Variants in NTRK1 observed in about 807,000 individuals in gnomAD.
NTRK1 encodes neurotrophic receptor tyrosine kinase 1.
NTRK1 carries 62 observed loss-of-function variants against 86.8 expected under a neutral mutation model. The ratio of observed to expected loss-of-function variants is 0.71; its 90% CI spans 0.58 to 0.88. The LOEUF is 0.88. Among genes scored for constraint, NTRK1 ranks in the 40% least tolerant of loss-of-function variants. NTRK1 has a pLI of 0.00. For missense variants in NTRK1, 967 were observed against 1,078.4 expected (o/e 0.90, Z 1.45); for synonymous variants, 469 against 456.6 (o/e 1.03, Z -0.35).
chr1:156,843,441 A>C, intron 2 of NTRK1: 1 of 1,614,184 alleles, frequency 6.2e-7, no homozygotes, highest in Non-Finnish European at 8.5e-7. Flanking sequence ...AGAGGCGCTG[A>C]AGTACTCTGG....
chr1:156,849,183 C>T lies in NTRK1; in HGVS notation c.50+6990C>T, dbSNP rs1027756865. 6 of 1,602,828 alleles carry T rather than the reference C, an allele frequency of 3.7e-6. No individual in the cohort carries two copies. In the Admixed American group the frequency reaches 8.3e-5, roughly 22 times the overall value. Reference sequence around the variant, plus strand: ...AGTGTCCCCCTCGAGCTTTCTCCCTCCCCCGGGTGTGCGTGTCTAGTGTGT... The same window carrying T: ...AGTGTCCCCCTCGAGCTTTCTCCCTTCCCCGGGTGTGCGTGTCTAGTGTGT... On this transcript the variant is annotated intron_variant, in intron 2 of 16. Coordinates refer to the NTRK1 transcript ENST00000392302.
chr1:156,844,493 TGTCCAAGAGCCATTGCCAGCCA>T (rs1206142788), intron 2 of NTRK1: 8 of 1,614,132 alleles, frequency 5.0e-6, no homozygotes, highest in Non-Finnish European at 6.8e-6. Flanking sequence ...CAACACTGTC[TGTCCAAGAGCCATTGCCAGCCA>T]GTGAGGTTGC....
At chr1:156,840,916 G>T (rs1230351343) in intron 1 of NTRK1, 1 of 1,613,966 alleles carries the variant, frequency 6.2e-7, no homozygotes, top group Non-Finnish European at 8.5e-7. Flanking sequence ...GTCTCTTGGA[G>T]TGGGTGAGGA....
At chr1:156,844,967 G>A in intron 2 of NTRK1, 1 of 1,540,392 alleles carries the variant, frequency 6.5e-7, no homozygotes, top group Non-Finnish European at 8.8e-7. Context: ...AACTGAGAGG[G>A]GCAAGCAAAG....
At position 156,879,989 on chromosome 1, in the gene NTRK1, C is replaced by T. The variant is rs1423404873; in HGVS notation, c.2047-10C>T. The stretch of plus-strand genomic sequence containing the variant: ...GCCCCTGGAATTGATGCAGTGTCCG[C>T]CCGTGGCAGGTGGGAGGCCGCACCA... On this transcript the variant is annotated splice_polypyrimidine_tract_variant and intron_variant, in intron 15 of 16. Coordinates refer to ENST00000524377, the MANE Select transcript of NTRK1 (RefSeq NM_002529.4). 1 of 1,612,520 alleles carries T rather than the reference C, an allele frequency of 6.2e-7. No individual in the cohort carries two copies. Among genetic ancestry groups the T allele is most frequent in the Non-Finnish European group, 8.5e-7 (1 of 1,179,992 alleles).
At chr1:156,877,388 C>T (rs748964219) in intron 14 of NTRK1, among the ~76,000 whole-genome samples, 22 of 152,200 alleles carry the variant, frequency 1.4e-4, no homozygotes, top group African/African-American at 4.1e-4. Context: ...TTAATAACTT[C>T]GAGAAATGTG....
At position 156,836,784 on chromosome 1, in the gene NTRK1, A is replaced by G. The variant is rs79055171; in HGVS notation, c.-63-5297A>G. 5.9e-3 allele frequency among the ~76,000 whole-genome samples: 164 copies of G among 27,778 alleles called. 1 individual carries two copies. The Middle Eastern group carries it at 0.094, about 16-fold the overall frequency. The allele number at this position is 27,778 out of a possible 152,430, so 18.2% of individuals were successfully genotyped here. On this transcript the variant is annotated intron_variant, in intron 1 of 16. Coordinates refer to the NTRK1 transcript ENST00000392302. ...CTGAATGAGGAGCATATTTCACAGGACTGAATGAGGAGCATATTTCACAGG... is the reference window on the plus strand; with the variant it reads ...CTGAATGAGGAGCATATTTCACAGGGCTGAATGAGGAGCATATTTCACAGG...
chr1:156,844,143 AG>A, intron 2 of NTRK1: 1 of 1,499,930 alleles, frequency 6.7e-7, no homozygotes, highest in Non-Finnish European at 9.3e-7. Context: ...CAGGGAGAAA[AG>A]GGGGTGGGGA....
rs1008847533 is a variant in NTRK1, at chr1:156,874,219, G to T, written c.1178-164G>T. The T allele has an allele frequency of 6.2e-6, 7 of 1,127,210 alleles. No homozygotes were observed. The African/African-American group carries it at 1.1e-4, about 17-fold the overall frequency. 69.8% of individuals were successfully genotyped at this position (1,127,210 alleles called of 1,614,324 possible). A position where few individuals can be genotyped will look rare whatever the true frequency, so the allele number is the denominator to read the frequency against. On this transcript the variant is annotated intron_variant, in intron 8 of 16. Coordinates refer to ENST00000524377, the MANE Select transcript of NTRK1 (RefSeq NM_002529.4). ...GGCATCCTGGCCCAGCTGGAAAAGGGTCACATGCATCTTCTTCCTTGAGGC... is the reference window on the plus strand; with the variant it reads ...GGCATCCTGGCCCAGCTGGAAAAGGTTCACATGCATCTTCTTCCTTGAGGC...
intron 10 of NTRK1, 37 bp from the exon 11 acceptor site, chr1:156,874,869 G>T (rs2102911655): frequency 6.8e-7 from 1 of 1,469,214 alleles, no homozygotes; most frequent in Non-Finnish European, 9.5e-7. Context: ...GAGTACAGGA[G>T]GAGCCCCTGG....
intron 1 of NTRK1, among the ~76,000 whole-genome samples, chr1:156,824,846 A>G (rs912195393): frequency 2.6e-5 from 4 of 152,160 alleles, no homozygotes; most frequent in Admixed American, 2.0e-4. Flanking sequence ...TACACGGCCC[A>G]GGAGGCAGAG....
At chr1:156,845,541 A>AACCCCC in intron 2 of NTRK1, 20 of 1,288,332 alleles carry the variant, frequency 1.6e-5, no homozygotes, top group Non-Finnish European at 1.8e-5. Context: ...CCACCCACAA[A>AACCCCC]CCCCACCCCT....
rs935501793 is a variant in NTRK1, at chr1:156,874,585, T to C, written c.1210T>C (p.Ser404Pro). 4.3e-6 allele frequency: 7 copies of C among 1,613,976 alleles called. No homozygotes were observed. The highest frequency in any genetic ancestry group is 5.9e-6 in the Non-Finnish European group (7 of 1,180,022). The change falls in exon 10 of 17, where the codon TCT becomes CCT. Residue 404 changes from serine to proline, a missense_variant. This residue lies in a region of NTRK1 where 637 missense variants were observed against 776.5 expected (regional missense o/e 0.82). Coordinates refer to ENST00000524377, the MANE Select transcript of NTRK1 (RefSeq NM_002529.4). The stretch of plus-strand genomic sequence containing the variant: ...TGTCCCTACAGACACTAACAGCACA[T>C]CTGGAGACCCGGTGGAGAAGAAGGA... ...SFSPVDTNST[S>P]GDPVEKKDET...
At chr1:156,858,882 A>T, upstream of NTRK1, 1 of 518,046 alleles carries the variant, frequency 1.9e-6, no homozygotes, top group Non-Finnish European at 3.5e-6. Flanking sequence ...AGAGATGCAG[A>T]CAGTGACAGG....
chr1:156,817,767 C>T (rs934134308), intron 1 of NTRK1, among the ~76,000 whole-genome samples: 3 of 151,868 alleles, frequency 2.0e-5, no homozygotes, highest in Admixed American at 6.6e-5. Context: ...CTCAGCCTCC[C>T]GAGTAGCTGG....
chr1:156,818,231 GA>G (rs374718649), intron 1 of NTRK1, among the ~76,000 whole-genome samples: 4,929 of 149,354 alleles, frequency 0.033, 313 homozygotes, highest in African/African-American at 0.11. Flanking sequence ...ACCCAGAGAG[GA>G]AAAAAAAAAC....
chr1:156,864,355 T>C lies in NTRK1; in HGVS notation c.214T>C (p.Tyr72His). 6.2e-7 allele frequency: 1 copy of C among 1,614,152 alleles called. No homozygotes were observed. Among genetic ancestry groups the C allele is most frequent in the Non-Finnish European group, 8.5e-7 (1 of 1,180,006 alleles). ...LPGAENLTEL[Y>H]IENQQHLQHL... ...GACTCCCATCCGCTCTCCCCACAGC[T>C]ACATCGAGAACCAGCAGCATCTGCA... The change falls in exon 2 of 17, where the codon TAC becomes CAC. Residue 72 changes from tyrosine to histidine, a missense_variant and splice_region_variant. By Grantham distance (83) the Tyr-to-His change is moderately conservative. Coordinates refer to ENST00000524377, the MANE Select transcript of NTRK1 (RefSeq NM_002529.4).
intron 1 of NTRK1, among the ~76,000 whole-genome samples, chr1:156,827,980 C>CT (rs918431089): frequency 6.6e-6 from 1 of 151,328 alleles, no homozygotes; most frequent in Non-Finnish European, 1.5e-5. Flanking sequence ...TTAATATATC[C>CT]TTTTTTTTAT....
chr1:156,877,364 T>C (rs1180718316), intron 14 of NTRK1, among the ~76,000 whole-genome samples: 8 of 152,286 alleles, frequency 5.3e-5, no homozygotes, highest in Non-Finnish European at 1.2e-4. Flanking sequence ...ATTTATCTAT[T>C]TGTGCTGATA....
Sources: allele counts gnomAD v4.1 joint callset (sites outside exome capture counted in the v4.1 genomes callset), GRCh38; gene constraint gnomAD v4.1.1; regional missense constraint gnomAD v4.1.1; transcripts MANE v1.5; gene names NCBI Gene and HGNC (gene_info 2026-07-23, HGNC 2026-07-21).